CPEB3: variants seen among roughly 807,000 people sequenced by gnomAD.
CPEB3 encodes the protein cytoplasmic polyadenylation element binding protein 3.
Under a neutral mutation model 67.2 loss-of-function variants are expected in CPEB3, and 20 were observed. That is an observed-to-expected ratio of 0.30 (90% CI 0.21 to 0.43). The LOEUF (loss-of-function observed/expected upper bound fraction) is 0.43, where lower values mean the gene tolerates loss of function less well. CPEB3 is among the 20% of genes least tolerant of loss of function. CPEB3 has a pLI of 1.00. For synonymous variants in CPEB3, 376 were observed against 393.1 expected (o/e 0.96, Z 0.51); for missense variants, 746 against 968.6 (o/e 0.77, Z 3.05).
chr10:92,141,688 CA>C (rs1454972489), intron 6 of CPEB3, among the ~76,000 whole-genome samples: 1 of 148,694 alleles, frequency 6.7e-6, no homozygotes, highest in Non-Finnish European at 1.5e-5. Flanking sequence ...TGGAATTATT[CA>C]TATGGTTATA....
Position 92,153,854 on chromosome 10 carries a change from C to A in CPEB3, c.1223-8769G>T, listed in dbSNP as rs569115293. Among the ~76,000 whole-genome samples the A allele has an allele frequency of 2.0e-5, 3 of 151,744 alleles. No individual in the cohort carries two copies. The East Asian group carries it at 5.8e-4, about 29-fold the overall frequency. ...CTTATGGACAAGAGTTTCACAGAGA[C>A]CATAAAAACTCATACTCATGTAAAT... On this transcript the variant is annotated intron_variant, in intron 4 of 9. Transcript: ENST00000265997.
At chr10:92,206,369 G>T (rs911404472) in intron 2 of CPEB3, among the ~76,000 whole-genome samples, 1 of 152,052 alleles carries the variant, frequency 6.6e-6, no homozygotes, top group Non-Finnish European at 1.5e-5. Flanking sequence ...CACCACACCC[G>T]GCCTCAGAAA....
intron 4 of CPEB3, among the ~76,000 whole-genome samples, chr10:92,171,601 C>A (rs548306315): frequency 3.2e-4 from 48 of 152,040 alleles, no homozygotes; most frequent in Non-Finnish European, 5.1e-4. Flanking sequence ...CAAAGACTAA[C>A]ATTTGTTTGG....
rs75210429 is a variant in CPEB3 at position 92,118,824 on chromosome 10, C to T, written c.1454-7630G>A. 5 of 769,334 alleles carry T rather than the reference C, an allele frequency of 6.5e-6. No individual in the cohort carries two copies. The East Asian group carries it at 7.3e-5, about 11-fold the overall frequency. 47.7% of individuals were successfully genotyped at this position (769,334 alleles called of 1,614,324 possible). On this transcript the variant is annotated intron_variant, in intron 6 of 9. Transcript: ENST00000265997. ...AACCGTCCTGTATCTCCCCACGTCA[C>T]TATCTACAGTTGGTCTCTTCCCATG...
At chr10:92,218,128 G>T (rs1226898983) in intron 2 of CPEB3, among the ~76,000 whole-genome samples, 1 of 151,976 alleles carries the variant, frequency 6.6e-6, no homozygotes, top group African/African-American at 2.4e-5. Context: ...CAACAACAAG[G>T]CCGGGCACAG....
Position 92,051,926 on chromosome 10 carries a change from AC to A in CPEB3, c.*285del. 3.2e-6 allele frequency: 1 copy of A among 312,192 alleles called. No homozygotes were observed. The allele number at this position is 312,192 out of a possible 1,614,324, so 19.3% of individuals were successfully genotyped here. Reference sequence around the variant, plus strand: ...TGAGAATGGCAGTCTACATACTGTCACGAGTGACAAATCAGGTATAAAAAAT... The same window carrying A: ...TGAGAATGGCAGTCTACATACTGTCAGAGTGACAAATCAGGTATAAAAAAT... On this transcript the variant is annotated 3_prime_UTR_variant, in exon 10 of 10. Transcript: ENST00000265997.
chr10:92,117,325 T>G (rs1190457284), intron 6 of CPEB3, among the ~76,000 whole-genome samples: 1 of 37,092 alleles, frequency 2.7e-5, no homozygotes, highest in Non-Finnish European at 4.9e-5. Flanking sequence ...CCTGGCTGAC[T>G]TTTTTTTTTT....
chr10:92,105,355 ATT>A (rs1844393044), intron 7 of CPEB3, among the ~76,000 whole-genome samples: 2 of 152,158 alleles, frequency 1.3e-5, no homozygotes, highest in African/African-American at 4.8e-5. Flanking sequence ...GCCCAATTTA[ATT>A]TCTCTCTATT....
At chr10:92,191,402 AT>A (rs1284402026) in intron 3 of CPEB3, among the ~76,000 whole-genome samples, 15 of 151,920 alleles carry the variant, frequency 9.9e-5, no homozygotes, top group African/African-American at 2.7e-4. Flanking sequence ...AATAAAAAAA[AT>A]AAAAAATAAA....
intron 4 of CPEB3, among the ~76,000 whole-genome samples, chr10:92,147,437 CAG>C (rs773411640): frequency 1.4e-4 from 22 of 151,922 alleles, no homozygotes; most frequent in Non-Finnish European, 3.2e-4. Flanking sequence ...GCCTGGGTGA[CAG>C]AGTGAGGCCC....
chr10:92,259,765 TATA>T (rs1852712060), intron 1 of CPEB3, among the ~76,000 whole-genome samples: 2 of 152,338 alleles, frequency 1.3e-5, no homozygotes, highest in East Asian at 1.9e-4. Flanking sequence ...TCAGAGCCAG[TATA>T]ATATCTTGCA....
At chr10:92,246,397 C>A (rs916104876) in intron 1 of CPEB3, among the ~76,000 whole-genome samples, 1 of 151,882 alleles carries the variant, frequency 6.6e-6, no homozygotes, top group East Asian at 1.9e-4. Context: ...TTCATAACGT[C>A]CTTATAGCTT....
At chr10:92,212,306 A>G (rs1295912148) in intron 2 of CPEB3, among the ~76,000 whole-genome samples, 2 of 150,770 alleles carry the variant, frequency 1.3e-5, no homozygotes, top group Non-Finnish European at 3.0e-5. Flanking sequence ...ACAGTTGTAC[A>G]GTGGTGCAAC....
chr10:92,153,583 C>A (rs1259012505), intron 4 of CPEB3, among the ~76,000 whole-genome samples: 1 of 152,102 alleles, frequency 6.6e-6, no homozygotes, highest in Admixed American at 6.6e-5. Context: ...GAGTTCGAGA[C>A]CAGCCTGGCC....
At chr10:92,162,104 T>A (rs1333306683) in intron 4 of CPEB3, among the ~76,000 whole-genome samples, 11 of 152,236 alleles carry the variant, frequency 7.2e-5, no homozygotes, top group Admixed American at 7.2e-4. Context: ...ACTTTAATTC[T>A]CAATTATCAA....
rs1452423995 is a variant in CPEB3, at chr10:92,050,681, TCAGACAACC to T, written c.*1522_*1530del. On this transcript the variant is annotated 3_prime_UTR_variant, in exon 10 of 10. Transcript: ENST00000265997. The stretch of plus-strand genomic sequence containing the variant: ...GGGAATTAAGTAGTTAGTTTCTCAC[TCAGACAACC>T]AACTCTGCCCAGGCCATCTTATTTT... 1 of 152,484 alleles carries T rather than the reference TCAGACAACC, an allele frequency of 6.6e-6. No individual in the cohort carries two copies. Among genetic ancestry groups the T allele is most frequent in the Non-Finnish European group, 1.5e-5 (1 of 68,032 alleles). 9.4% of individuals were successfully genotyped at this position (152,484 alleles called of 1,614,324 possible).
At chr10:92,149,509 C>T (rs1160234576) in intron 4 of CPEB3, among the ~76,000 whole-genome samples, 1 of 152,100 alleles carries the variant, frequency 6.6e-6, no homozygotes, top group African/African-American at 2.4e-5. Flanking sequence ...TTCTGCATGG[C>T]CAACATAACC....
intron 4 of CPEB3, among the ~76,000 whole-genome samples, chr10:92,147,453 C>T (rs1050172876): frequency 3.3e-5 from 5 of 151,290 alleles, no homozygotes; most frequent in African/African-American, 1.2e-4. Flanking sequence ...GAGGCCCTGT[C>T]TCAAAAAAAA....
chr10:92,268,393 C>T (rs905990294), intron 1 of CPEB3, among the ~76,000 whole-genome samples: 1 of 152,114 alleles, frequency 6.6e-6, no homozygotes, highest in Middle Eastern at 3.4e-3. Context: ...TTTGGGAGGC[C>T]GGGGCAGGAA....
Sources: gnomAD v4.1 joint callset for allele counts (sites outside exome capture counted in the v4.1 genomes callset) on GRCh38, gnomAD v4.1.1 for gene constraint, MANE v1.5 for transcripts, NCBI Gene and HGNC (gene_info 2026-07-23, HGNC 2026-07-21) for gene names.